The following C1orf21 variants were observed in gnomAD, a reference collection of about 807,000 sequenced individuals.
The protein encoded by C1orf21 is uncharacterized protein C1orf21.
In C1orf21, 3 loss-of-function variants were observed where a neutral mutation model predicts 18.7. That is an observed-to-expected ratio of 0.16 (90% CI 0.07 to 0.42). The LOEUF is 0.42. Among genes scored for constraint, C1orf21 ranks in the 10% least tolerant of loss-of-function variants. The pLI is 0.99. For missense variants in C1orf21, 104 were observed against 143.6 expected, an observed-to-expected ratio of 0.72 and a Z score of 1.41; for synonymous variants, 41 against 46.4, an observed-to-expected ratio of 0.88 and a Z score of 0.47.
chr1:184,517,663 G>A (rs1439270802), intron 3 of C1orf21, among the ~76,000 whole-genome samples: 1 of 152,198 alleles, frequency 6.6e-6, no homozygotes, highest in East Asian at 1.9e-4. Flanking sequence ...AATTATAAGA[G>A]AGAGTTCTGG....
chr1:184,528,310 AT>A (rs1398674424), intron 3 of C1orf21, among the ~76,000 whole-genome samples: 1 of 152,128 alleles, frequency 6.6e-6, no homozygotes, highest in Non-Finnish European at 1.5e-5. Flanking sequence ...ATCACAACAC[AT>A]TTTTCATTTT....
intron 1 of C1orf21, among the ~76,000 whole-genome samples, chr1:184,428,286 A>G (rs1656673023): frequency 6.6e-6 from 1 of 152,230 alleles, no homozygotes; most frequent in Admixed American, 6.5e-5. Context: ...AGGGGACAGT[A>G]TGAAACTTTA....
At chr1:184,460,620 G>GTCTTCT (rs201481780) in intron 1 of C1orf21, among the ~76,000 whole-genome samples, 2,146 of 112,000 alleles carry the variant, frequency 0.019, 28 homozygotes, top group Middle Eastern at 0.026. Context: ...TGTCGTCGTC[G>GTCTTCT]TCTTCTTCTT....
intron 3 of C1orf21, among the ~76,000 whole-genome samples, chr1:184,576,039 C>T (rs1366839833): frequency 1.3e-5 from 2 of 152,174 alleles, no homozygotes; most frequent in Non-Finnish European, 2.9e-5. Context: ...CCAGTCAGGC[C>T]CAAGCCTGAT....
intron 3 of C1orf21, among the ~76,000 whole-genome samples, chr1:184,523,815 T>G (rs2101970281): frequency 6.6e-6 from 1 of 152,308 alleles, no homozygotes; most frequent in Admixed American, 6.5e-5. Context: ...TGCCATAATT[T>G]AACTAATACT....
chr1:184,545,606 A>AT (rs1331212480), intron 3 of C1orf21, among the ~76,000 whole-genome samples: 1 of 152,102 alleles, frequency 6.6e-6, no homozygotes, highest in East Asian at 1.9e-4. Context: ...TGTTCGGGCC[A>AT]TAACTACTCC....
intron 1 of C1orf21, among the ~76,000 whole-genome samples, chr1:184,388,629 C>CT (rs200576878): frequency 0.12 from 16,515 of 143,536 alleles, 2,650 homozygotes; most frequent in African/African-American, 0.36. Flanking sequence ...TCTTTCTTTT[C>CT]TTTTTTTTTT....
chr1:184,521,109 T>G (rs1658300131), intron 3 of C1orf21, among the ~76,000 whole-genome samples: 1 of 152,164 alleles, frequency 6.6e-6, no homozygotes, highest in African/African-American at 2.4e-5. Flanking sequence ...CTCAGGCTGG[T>G]CTCGAACTCC....
intron 2 of C1orf21, among the ~76,000 whole-genome samples, chr1:184,502,752 T>C (rs1193498037): frequency 2.0e-5 from 3 of 152,098 alleles, no homozygotes; most frequent in South Asian, 2.1e-4. Context: ...TTCCTGCTTG[T>C]TACTTTTAAC....
intron 1 of C1orf21, among the ~76,000 whole-genome samples, chr1:184,402,504 G>A (rs1656172832): frequency 6.6e-6 from 1 of 151,680 alleles, no homozygotes; most frequent in African/African-American, 2.4e-5. Context: ...CATGCCTGAA[G>A]TCCCAGCTAC....
chr1:184,521,778 C>T (rs1658309630), intron 3 of C1orf21, among the ~76,000 whole-genome samples: 1 of 151,652 alleles, frequency 6.6e-6, no homozygotes, highest in African/African-American at 2.4e-5. Context: ...AAAATGAAAG[C>T]CTGGGGATCT....
chr1:184,433,487 T>C (rs1272060005), intron 1 of C1orf21, among the ~76,000 whole-genome samples: 1 of 152,196 alleles, frequency 6.6e-6, no homozygotes, highest in Non-Finnish European at 1.5e-5. Context: ...GGAATGATTA[T>C]GGAATAAACT....
Position 184,592,897 on chromosome 1 carries a change from C to T in C1orf21, c.266+2082C>T, listed in dbSNP as rs77114599. On this transcript the variant is annotated intron_variant, in intron 4 of 5. Transcript: ENST00000235307. ...AAAGAAAACTGGACATGTTAAAATC[C>T]ACTTACCATTTACAATGTCAGTGTA... Among the ~76,000 whole-genome samples the T allele has an allele frequency of 2.3e-4, 35 of 152,252 alleles. No individual in the cohort carries two copies. The East Asian group carries it at 5.8e-3, about 25-fold the overall frequency.
chr1:184,596,147 C>G (rs1198751215), intron 4 of C1orf21, among the ~76,000 whole-genome samples: 2 of 152,162 alleles, frequency 1.3e-5, no homozygotes, highest in African/African-American at 2.4e-5. Flanking sequence ...TCTTGTCCCT[C>G]TCATGTGCAT....
rs186828679 is a variant in C1orf21, at chr1:184,490,756, G to C, written c.94+13153G>C. Reference sequence around the variant, plus strand: ...AAGTGTTCAGCCTCACCTCAGGTTAGATGATTATGAACCCTGAGTAATAAT... The same window carrying C: ...AAGTGTTCAGCCTCACCTCAGGTTACATGATTATGAACCCTGAGTAATAAT... On this transcript the variant is annotated intron_variant, in intron 2 of 5. Coordinates refer to ENST00000235307, the MANE Select transcript of C1orf21 (RefSeq NM_030806.4). 6.1e-3 allele frequency among the ~76,000 whole-genome samples: 928 copies of C among 152,250 alleles called. 6 individuals carry two copies. Among genetic ancestry groups the C allele is most frequent in the Admixed American group, 9.4e-3 (144 of 15,286 alleles).
chr1:184,582,325 A>C (rs1305003298), intron 3 of C1orf21, among the ~76,000 whole-genome samples: 1 of 152,260 alleles, frequency 6.6e-6, no homozygotes, highest in Non-Finnish European at 1.5e-5. Context: ...CTTCACCACA[A>C]ATCTCTTGCT....
chr1:184,546,858 G>T (rs1407021407), intron 3 of C1orf21, among the ~76,000 whole-genome samples: 2 of 152,206 alleles, frequency 1.3e-5, no homozygotes, highest in Non-Finnish European at 2.9e-5. Context: ...CAGCACTAAG[G>T]TGCATGGCTT....
chr1:184,563,896 G>A (rs182315975), intron 3 of C1orf21, among the ~76,000 whole-genome samples: 3 of 152,310 alleles, frequency 2.0e-5, no homozygotes, highest in Admixed American at 2.0e-4. Context: ...AGTCTCAGGG[G>A]TTTGGGCTCT....
At chr1:184,462,335 A>C (rs1010038065) in intron 1 of C1orf21, among the ~76,000 whole-genome samples, 1 of 152,216 alleles carries the variant, frequency 6.6e-6, no homozygotes, top group African/African-American at 2.4e-5. Context: ...CTCTGGTTTC[A>C]AGTCTACTTC....
Sources: allele counts gnomAD v4.1 joint callset (sites outside exome capture counted in the v4.1 genomes callset), GRCh38; gene constraint gnomAD v4.1.1; transcripts MANE v1.5; gene names NCBI Gene and HGNC (gene_info 2026-07-23, HGNC 2026-07-21).